Variants in GAGE10 observed in about 807,000 individuals in gnomAD.
The protein encoded by GAGE10 is G antigen 10.
A neutral mutation model predicts 11.5 loss-of-function variants in GAGE10; 9 were observed. The ratio of observed to expected loss-of-function variants is 0.78; its 90% confidence interval spans 0.47 to 1.37. The LOEUF is 1.37. GAGE10 is among the 40% of genes most tolerant of loss of function. GAGE10 has a pLI of 0.00. For missense variants in GAGE10, 83 were observed against 92.9 expected, an observed-to-expected ratio of 0.89 and a Z score of 0.44; for synonymous variants, 23 against 29.7, an observed-to-expected ratio of 0.77 and a Z score of 0.73.
chrX:49,313,187 C>T (rs1230598028), intron 3 of GAGE10, among the ~76,000 whole-genome samples: 2 of 112,049 alleles, frequency 1.8e-5, no homozygotes, highest in African/African-American at 3.2e-5. Flanking sequence ...GCATTTGTGG[C>T]AGAAGTAGTA....
intron 3 of GAGE10, 128 bp from the exon 4 acceptor site, chrX:49,317,035 C>T: frequency 1.2e-6 from 1 of 868,505 alleles, no homozygotes. Flanking sequence ...TCATGGGATT[C>T]TTATCAACAT....
intron 3 of GAGE10, among the ~76,000 whole-genome samples, chrX:49,316,530 C>A (rs1197164340): frequency 2.7e-5 from 3 of 111,265 alleles, no homozygotes; most frequent in African/African-American, 9.8e-5. Context: ...CTTAATTATC[C>A]CGCAGAAGTG....
chrX:49,316,279 G>A (rs782767794), intron 3 of GAGE10, among the ~76,000 whole-genome samples: 60 of 111,838 alleles, frequency 5.4e-4, no homozygotes, highest in African/African-American at 1.9e-3. Context: ...ATCTCAAGTC[G>A]CAAAACATGT....
In GAGE10 at chrX:49,315,796, A is replaced by G. The variant is rs377327852; in HGVS notation, c.203-1367A>G. ...GAGGATAGTTCTCAACCTTTGGAGG[A>G]TTCAAAACTCTCATTGGTGGGTTTT... is the stretch of plus-strand genomic sequence containing the variant. On this transcript the variant is annotated intron_variant, in intron 3 of 4. Coordinates refer to ENST00000407599, the MANE Select transcript of GAGE10 (RefSeq NM_001098413.4). 2.7e-5 allele frequency among the ~76,000 whole-genome samples: 3 copies of G among 111,991 alleles called. No individual in the cohort carries two copies. The South Asian group carries it at 1.1e-3, about 42-fold the overall frequency.
chrX:49,305,911 G>C (rs1285238199), intron 3 of GAGE10, among the ~76,000 whole-genome samples: 6 of 111,383 alleles, frequency 5.4e-5, no homozygotes, highest in Non-Finnish European at 1.9e-5. Flanking sequence ...AAACTCAAAG[G>C]CTTTACTGTA....
intron 3 of GAGE10, among the ~76,000 whole-genome samples, chrX:49,315,208 G>A (rs142058335): frequency 4.5e-5 from 5 of 112,210 alleles, no homozygotes; most frequent in Non-Finnish European, 7.5e-5. Context: ...GGACAGGGGC[G>A]TGTGTGTTAG....
intron 3 of GAGE10, 77 bp from the exon 4 acceptor site, chrX:49,317,086 C>A: frequency 9.5e-7 from 1 of 1,048,877 alleles, no homozygotes; most frequent in Non-Finnish European, 1.3e-6. Flanking sequence ...ATAATAACAC[C>A]GAGAGCATGA....
chrX:49,318,516 C>T, intron 4 of GAGE10, among the ~76,000 whole-genome samples: 1 of 88,538 alleles, frequency 1.1e-5, no homozygotes. Context: ...ACTGTGTTGC[C>T]CAGGCAGGGT....
chrX:49,305,785 T>A (rs1242778756), intron 3 of GAGE10, among the ~76,000 whole-genome samples: 4 of 111,804 alleles, frequency 3.6e-5, no homozygotes, highest in African/African-American at 1.3e-4. Flanking sequence ...TGGGATTGTG[T>A]TTTATCCAAG....
Position 49,319,752 on chromosome X carries a change from AG to A in GAGE10, c.*3del, listed in dbSNP as rs2066409728. The A allele has an allele frequency of 7.7e-5, 71 of 918,282 alleles. No individual in the cohort carries two copies. In the East Asian group the frequency reaches 1.1e-3, roughly 15 times the overall value. 75.7% of individuals were successfully genotyped at this position (918,282 alleles called of 1,213,427 possible). On this transcript the variant is annotated 3_prime_UTR_variant, in exon 5 of 5. Coordinates refer to ENST00000407599, the MANE Select transcript of GAGE10 (RefSeq NM_001098413.4). ...GGTGAAAAGCAATCACAGTGTTAAAAGAAGACACGTTGAAATGATGCAGGCT... is the reference window on the plus strand; with the variant it reads ...GGTGAAAAGCAATCACAGTGTTAAAAAAGACACGTTGAAATGATGCAGGCT...
At chrX:49,314,898 G>T (rs1479433453) in intron 3 of GAGE10, among the ~76,000 whole-genome samples, 1 of 112,264 alleles carries the variant, frequency 8.9e-6, no homozygotes, top group East Asian at 2.8e-4. Flanking sequence ...CTCAGCCAGT[G>T]TTTGGTTGTT....
intron 3 of GAGE10, among the ~76,000 whole-genome samples, chrX:49,307,089 G>T (rs2066359836): frequency 9.0e-6 from 1 of 111,102 alleles, no homozygotes; most frequent in Admixed American, 9.6e-5. Flanking sequence ...CTATTTTCAA[G>T]GCATAACATT....
At chrX:49,309,860 G>A (rs2066370094) in intron 3 of GAGE10, among the ~76,000 whole-genome samples, 1 of 111,765 alleles carries the variant, frequency 8.9e-6, no homozygotes, top group Non-Finnish European at 1.9e-5. Flanking sequence ...GAAAAGTCAG[G>A]TAGGCCGTCT....
At chrX:49,317,328 T>C (rs1403368994) in intron 4 of GAGE10, 40 bp downstream of exon 4, 15 of 1,174,050 alleles carry the variant, frequency 1.3e-5, no homozygotes, top group African/African-American at 1.8e-5. Context: ...AGGGTGTCTG[T>C]TTCCACAGTA....
At chrX:49,312,883 G>A (rs2066380192) in intron 3 of GAGE10, among the ~76,000 whole-genome samples, 1 of 112,449 alleles carries the variant, frequency 8.9e-6, no homozygotes, top group Admixed American at 9.4e-5. Context: ...CGCCCATGCT[G>A]TTTTTGAACA....
chrX:49,317,311 AC>A (rs1557125414), intron 4 of GAGE10, 23 bp downstream of exon 4: 1 of 1,187,844 alleles, frequency 8.4e-7, no homozygotes, highest in African/African-American at 1.8e-5. Flanking sequence ...TTAGGCATGC[AC>A]ATTGTAGGGT....
intron 3 of GAGE10, among the ~76,000 whole-genome samples, chrX:49,314,721 A>C (rs2066385752): frequency 8.9e-6 from 1 of 112,083 alleles, no homozygotes; most frequent in South Asian, 3.7e-4. Context: ...CCCATCAACC[A>C]AAAACTTATT....
At chrX:49,317,625 T>G (rs2015487) in intron 4 of GAGE10, among the ~76,000 whole-genome samples, 48,739 of 110,317 alleles carry the variant, frequency 0.44, 9,101 homozygotes, top group Non-Finnish European at 0.59. Flanking sequence ...CAGGATTACA[T>G]GCGAGAGCCA....
chrX:49,317,237 G>T lies in GAGE10; in HGVS notation c.277G>T (p.Gly93Cys). ...GTGTGAGTGTGGAGATGGTCCTGATGGCCAGGAGATGGGCCTGCCAAATCC... is the reference window on the plus strand; with the variant it reads ...GTGTGAGTGTGGAGATGGTCCTGATTGCCAGGAGATGGGCCTGCCAAATCC... ...TGCECGDGPD[G>C]QEMGLPNPEE... The change falls in exon 4 of 5, where the codon GGC (glycine) becomes TGC (cysteine). Residue 93 changes from glycine (G) to cysteine (C), a missense_variant. Around this residue, in one of 3 missense-constraint regions of GAGE10, gnomAD observed 66 missense variants for 35.4 expected, o/e 1.87. Transcript: ENST00000407599. The T allele has an allele frequency of 4.1e-6, 5 of 1,208,270 alleles. No homozygotes were observed. Among genetic ancestry groups the T allele is most frequent in the Non-Finnish European group, 5.6e-6 (5 of 893,128 alleles).
Sources: allele counts gnomAD v4.1 joint callset (sites outside exome capture counted in the v4.1 genomes callset), GRCh38; gene constraint gnomAD v4.1.1; regional missense constraint gnomAD v4.1.1; transcripts MANE v1.5; gene names NCBI Gene and HGNC (gene_info 2026-07-23, HGNC 2026-07-21).